UGT1A10: variants seen among roughly 807,000 people sequenced by gnomAD.
UGT1A10 encodes UDP-glucuronosyltransferase 1A10.
UGT1A10 carries 49 observed loss-of-function variants against 45.8 expected under a neutral mutation model. The ratio of observed to expected loss-of-function variants is 1.07; its 90% CI spans 0.85 to 1.36. The LOEUF is 1.36. UGT1A10 is among the 40% of genes most tolerant of loss of function. The pLI is 0.00. For synonymous variants in UGT1A10, 284 were observed against 249.7 expected (o/e 1.14, Z -1.29); for missense variants, 745 against 668.6 (o/e 1.11, Z -1.26).
chr2:233,729,728 A>G (rs373493601), intron 1 of UGT1A10: 1 of 1,613,928 alleles, frequency 6.2e-7, no homozygotes, highest in Non-Finnish European at 8.5e-7. Flanking sequence ...CTAACAACCA[A>G]TTCAGACCAC....
intron 1 of UGT1A10, 80 bp downstream of exon 1, chr2:233,637,457 T>A (rs545931659): frequency 2.6e-6 from 4 of 1,509,488 alleles, no homozygotes; most frequent in African/African-American, 1.4e-5. Context: ...AACTGTGATT[T>A]GACATTTTCG....
chr2:233,677,166 C>T (rs1482849001), intron 1 of UGT1A10, among the ~76,000 whole-genome samples: 1 of 152,042 alleles, frequency 6.6e-6, no homozygotes, highest in African/African-American at 2.4e-5. Context: ...TTGAGTTTTC[C>T]AATTCATTAA....
chr2:233,673,421 G>A (rs1473505545), intron 1 of UGT1A10, among the ~76,000 whole-genome samples: 1 of 152,032 alleles, frequency 6.6e-6, no homozygotes, highest in African/African-American at 2.4e-5. Flanking sequence ...TTGTCTTTAT[G>A]AATAGGGCCG....
At chr2:233,717,818 C>T (rs565320763) in intron 1 of UGT1A10, 84 of 455,640 alleles carry the variant, frequency 1.8e-4, no homozygotes, top group Non-Finnish European at 3.1e-4. Flanking sequence ...TTATGCAGCC[C>T]GTTCTGTTCT....
intron 1 of UGT1A10, among the ~76,000 whole-genome samples, chr2:233,687,701 G>A (rs2074858745): frequency 6.6e-6 from 1 of 151,714 alleles, no homozygotes; most frequent in Admixed American, 6.6e-5. Context: ...CCAGGAGTTT[G>A]AGACCAGCCT....
At chr2:233,671,767 T>C (rs1312644770) in intron 1 of UGT1A10, 4 of 1,359,884 alleles carry the variant, frequency 2.9e-6, no homozygotes, top group Non-Finnish European at 3.9e-6. Flanking sequence ...AAGCTACTCA[T>C]ATATTCTTGT....
intron 1 of UGT1A10, among the ~76,000 whole-genome samples, chr2:233,676,928 G>T (rs2074375939): frequency 1.3e-5 from 2 of 152,046 alleles, no homozygotes; most frequent in South Asian, 4.2e-4. Context: ...CTGTTCTGTT[G>T]ATCTATTTGT....
chr2:233,697,426 C>T (rs1020465940), intron 1 of UGT1A10, among the ~76,000 whole-genome samples: 1 of 150,954 alleles, frequency 6.6e-6, no homozygotes, highest in African/African-American at 2.4e-5. Flanking sequence ...TGCTGTGTTT[C>T]CTTTTTCATT....
At chr2:233,687,166 T>C (rs971677741) in intron 1 of UGT1A10, among the ~76,000 whole-genome samples, 37 of 152,342 alleles carry the variant, frequency 2.4e-4, no homozygotes, top group Middle Eastern at 3.4e-3. Context: ...ATGACTGGCA[T>C]GTGGATATGA....
intron 1 of UGT1A10, among the ~76,000 whole-genome samples, chr2:233,646,458 A>G (rs1247010513): frequency 1.3e-5 from 2 of 152,122 alleles, no homozygotes; most frequent in Non-Finnish European, 2.9e-5. Context: ...CCAAACCTTT[A>G]TGCTCTGTTT....
chr2:233,736,099 G>A (rs1234908815), intron 1 of UGT1A10, among the ~76,000 whole-genome samples: 3 of 152,216 alleles, frequency 2.0e-5, no homozygotes, highest in African/African-American at 7.2e-5. Context: ...ATATCCTGAA[G>A]AGTGTTTTCC....
In UGT1A10 at chr2:233,637,107, A is replaced by C. The variant is rs776292761; in HGVS notation, c.585A>C (p.Leu195Phe). The C allele has an allele frequency of 2.7e-5, 44 of 1,613,816 alleles. No individual in the cohort carries two copies. In the South Asian group the frequency reaches 4.4e-4, roughly 16 times the overall value. Residue 195 changes from leucine (L) to phenylalanine (F), a missense_variant, in exon 1 of 5, where the codon TTA becomes TTC. Transcript: ENST00000344644. ...APLSYVPNDL[L>F]GFSDAMTFKE... ...TTTCCTATGTCCCCAATGATCTCTT[A>C]GGGTTCTCAGATGCCATGACTTTCA...
chr2:233,699,028 C>T (rs1427032707), intron 1 of UGT1A10, among the ~76,000 whole-genome samples: 1 of 152,216 alleles, frequency 6.6e-6, no homozygotes, highest in Non-Finnish European at 1.5e-5. Flanking sequence ...AGCCACCAGG[C>T]AGTCCCAGAT....
At chr2:233,677,609 G>A (rs2125511914) in intron 1 of UGT1A10, among the ~76,000 whole-genome samples, 1 of 152,086 alleles carries the variant, frequency 6.6e-6, no homozygotes, top group Middle Eastern at 3.4e-3. Flanking sequence ...GAAAAATGAA[G>A]ATGAAAACCA....
intron 1 of UGT1A10, chr2:233,755,155 T>G (rs921927491): frequency 2.3e-6 from 3 of 1,293,388 alleles, no homozygotes; most frequent in Non-Finnish European, 2.1e-6. Flanking sequence ...GCTTCCTCCC[T>G]GTCCTCGGGG....
intron 1 of UGT1A10, among the ~76,000 whole-genome samples, chr2:233,712,404 C>G (rs2076232549): frequency 6.6e-6 from 1 of 152,176 alleles, no homozygotes; most frequent in Admixed American, 6.5e-5. Flanking sequence ...AGAGAGTCCT[C>G]TTTGAGCTTT....
intron 1 of UGT1A10, among the ~76,000 whole-genome samples, chr2:233,761,552 A>T (rs1697800499): frequency 6.6e-6 from 1 of 152,250 alleles, no homozygotes; most frequent in Admixed American, 6.5e-5. Context: ...TGATGATGAT[A>T]GATCCTGGAA....
At chr2:233,652,640 C>T (rs947205823) in intron 1 of UGT1A10, among the ~76,000 whole-genome samples, 7 of 152,132 alleles carry the variant, frequency 4.6e-5, no homozygotes, top group African/African-American at 1.2e-4. Flanking sequence ...ATCAGTAGAA[C>T]GGAGTTGAGA....
intron 1 of UGT1A10, among the ~76,000 whole-genome samples, chr2:233,744,391 C>A (rs1383619511): frequency 6.6e-6 from 1 of 151,826 alleles, no homozygotes; most frequent in Non-Finnish European, 1.5e-5. Flanking sequence ...ACGTTCCAGC[C>A]CCGGTGCCCA....
Sources: allele counts gnomAD v4.1 joint callset (sites outside exome capture counted in the v4.1 genomes callset), GRCh38; gene constraint gnomAD v4.1.1; transcripts MANE v1.5; gene names NCBI Gene and HGNC (gene_info 2026-07-23, HGNC 2026-07-21).